Variants in BMPER observed in about 807,000 individuals in gnomAD.
BMPER encodes the protein BMP-binding endothelial regulator protein.
Under a neutral mutation model 87.3 loss-of-function variants are expected in BMPER, and 45 were observed. The ratio of observed to expected loss-of-function variants is 0.52; its 90% CI spans 0.41 to 0.66. BMPER has a LOEUF of 0.66. BMPER is among the 30% of genes least tolerant of loss of function. The pLI, the probability that BMPER is intolerant of heterozygous loss-of-function variation, is 0.00. For missense variants in BMPER, 784 were observed against 867.5 expected, an observed-to-expected ratio of 0.90 and a Z score of 1.21; for synonymous variants, 326 against 316.2, an observed-to-expected ratio of 1.03 and a Z score of -0.33.
chr7:33,941,116 TTTATATA>T (rs1784752216), intron 3 of BMPER, among the ~76,000 whole-genome samples: 2 of 138,256 alleles, frequency 1.4e-5, no homozygotes, highest in Non-Finnish European at 3.1e-5. Context: ...TTACATATAA[TTTATATA>T]TTATATATTT....
chr7:34,076,966 G>T (rs1788881078), intron 11 of BMPER, among the ~76,000 whole-genome samples: 1 of 152,178 alleles, frequency 6.6e-6, no homozygotes, highest in South Asian at 2.1e-4. Flanking sequence ...TGCTGAGAAG[G>T]TGGAGTTAAG....
chr7:33,989,075 T>C (rs2127923944), intron 6 of BMPER, among the ~76,000 whole-genome samples: 1 of 133,516 alleles, frequency 7.5e-6, no homozygotes. Context: ...GCAATAAACA[T>C]ACGTGTGCAT....
chr7:34,142,274 T>C (rs1790895499), intron 13 of BMPER, among the ~76,000 whole-genome samples: 1 of 152,246 alleles, frequency 6.6e-6, no homozygotes, highest in Non-Finnish European at 1.5e-5. Context: ...GGAGATATAA[T>C]TTAATTTGCT....
intron 6 of BMPER, among the ~76,000 whole-genome samples, chr7:33,999,483 G>T (rs1169061273): frequency 2.0e-5 from 3 of 152,162 alleles, no homozygotes; most frequent in Non-Finnish European, 4.4e-5. Flanking sequence ...TGTGGAACAG[G>T]CTTTACGTTA....
intron 13 of BMPER, among the ~76,000 whole-genome samples, chr7:34,130,779 C>A (rs1434486043): frequency 6.6e-6 from 1 of 152,084 alleles, no homozygotes; most frequent in Non-Finnish European, 1.5e-5. Context: ...CAGAAACCTT[C>A]CCTGAGAAAG....
intron 6 of BMPER, among the ~76,000 whole-genome samples, chr7:33,991,858 C>G (rs566714916): frequency 0.031 from 4,398 of 143,732 alleles, 90 homozygotes; most frequent in Non-Finnish European, 0.046. Flanking sequence ...TTATTTCTGC[C>G]TTCATTTCGT....
intron 13 of BMPER, among the ~76,000 whole-genome samples, chr7:34,090,335 A>G (rs1313240224): frequency 6.6e-6 from 1 of 152,188 alleles, no homozygotes. Flanking sequence ...TCGAAGAGAA[A>G]AAGTGTTGGG....
intron 13 of BMPER, among the ~76,000 whole-genome samples, chr7:34,120,885 G>A (rs1790248313): frequency 6.6e-6 from 1 of 152,048 alleles, no homozygotes; most frequent in South Asian, 2.1e-4. Context: ...GCGATATATA[G>A]TGTAATACCA....
At chr7:34,071,524 G>A (rs1372478394) in intron 11 of BMPER, among the ~76,000 whole-genome samples, 1 of 152,178 alleles carries the variant, frequency 6.6e-6, no homozygotes, top group Non-Finnish European at 1.5e-5. Context: ...TGGAAGCCAG[G>A]TTAACTTGGA....
chr7:34,059,700 T>TA (rs1426104972), intron 10 of BMPER, among the ~76,000 whole-genome samples: 1 of 148,388 alleles, frequency 6.7e-6, no homozygotes, highest in Non-Finnish European at 1.5e-5. Context: ...GAAATCTTGT[T>TA]AAAAACTTAC....
At chr7:34,036,108 T>G (rs1406869825) in intron 6 of BMPER, among the ~76,000 whole-genome samples, 1 of 152,142 alleles carries the variant, frequency 6.6e-6, no homozygotes, top group Non-Finnish European at 1.5e-5. Flanking sequence ...TCATAACTCA[T>G]AGGAGGTGTG....
At chr7:33,934,793 C>T (rs370435023) in intron 2 of BMPER, among the ~76,000 whole-genome samples, 1 of 152,214 alleles carries the variant, frequency 6.6e-6, no homozygotes, top group African/African-American at 2.4e-5. Flanking sequence ...AGAGGAGATG[C>T]GCTTGGGAGT....
intron 2 of BMPER, among the ~76,000 whole-genome samples, chr7:33,917,572 C>A (rs1050123273): frequency 3.9e-5 from 6 of 151,948 alleles, no homozygotes; most frequent in African/African-American, 1.5e-4. Flanking sequence ...ACAGCATGTC[C>A]CCCAAATGCC....
At chr7:33,994,650 T>TA (rs1252578953) in intron 6 of BMPER, among the ~76,000 whole-genome samples, 1 of 152,190 alleles carries the variant, frequency 6.6e-6, no homozygotes, top group African/African-American at 2.4e-5. Context: ...TTGGTATTTT[T>TA]AAAAGTTTTG....
intron 6 of BMPER, among the ~76,000 whole-genome samples, chr7:33,996,988 C>G (rs184280002): frequency 6.6e-5 from 10 of 152,248 alleles, no homozygotes; most frequent in Admixed American, 2.6e-4. Context: ...TTGGACAGTG[C>G]AAGTGTAACC....
chr7:33,927,154 TG>T (rs1157633915), intron 2 of BMPER, among the ~76,000 whole-genome samples: 1 of 152,268 alleles, frequency 6.6e-6, no homozygotes, highest in Non-Finnish European at 1.5e-5. Flanking sequence ...CCTAATCCCA[TG>T]GATGTCAGCT....
intron 8 of BMPER, among the ~76,000 whole-genome samples, chr7:34,054,066 C>T (rs1329781405): frequency 6.6e-6 from 1 of 152,150 alleles, no homozygotes; most frequent in Non-Finnish European, 1.5e-5. Context: ...GGTAACTTTC[C>T]CTTGTCTTTG....
chr7:34,016,816 G>A (rs1361929651), intron 6 of BMPER, among the ~76,000 whole-genome samples: 2 of 151,740 alleles, frequency 1.3e-5, no homozygotes, highest in Non-Finnish European at 2.9e-5. Flanking sequence ...TTTTTGTGGG[G>A]GTGGAAGCAA....
At position 33,970,344 on chromosome 7, in the gene BMPER, G is replaced by C. The variant is rs1479612074; in HGVS notation, c.418G>C (p.Glu140Gln). 1.2e-6 allele frequency: 2 copies of C among 1,614,142 alleles called. No homozygotes were observed. The highest frequency in any genetic ancestry group is 1.7e-6 in the Non-Finnish European group (2 of 1,179,980). ...TGTGTTTCAGGAGGGCGTTGTCACA[G>C]AGTCTGGGGTGCGCTGTGTTGTTCA... Reference protein sequence around the residue: ...LRQCQEGVVTESGVRCVVHCK... With the variant: ...LRQCQEGVVTQSGVRCVVHCK... Residue 140 changes from glutamate to glutamine, a missense_variant, in exon 5 of 15, where the codon GAG becomes CAG. Physicochemically the swap from Glu to Gln is conservative, Grantham distance 29 (BLOSUM62 2). Transcript: ENST00000649409.
Sources: allele counts gnomAD v4.1 joint callset (sites outside exome capture counted in the v4.1 genomes callset), GRCh38; gene constraint gnomAD v4.1.1; transcripts MANE v1.5; gene names NCBI Gene and HGNC (gene_info 2026-07-23, HGNC 2026-07-21).